Variants in CD300A observed in about 807,000 individuals in gnomAD.
CD300A encodes the protein CMRF35-like molecule 8.
In CD300A, 22 loss-of-function variants were observed where a neutral mutation model predicts 33.6. The ratio of observed to expected loss-of-function variants is 0.66; its 90% CI spans 0.47 to 0.94. The LOEUF (loss-of-function observed/expected upper bound fraction) is 0.94. Ranked by LOEUF, CD300A falls within the 40% of genes least tolerant of loss-of-function variation. CD300A has a pLI of 0.00. For synonymous variants in CD300A, 136 were observed against 148.1 expected, an observed-to-expected ratio of 0.92 and a Z score of 0.59; for missense variants, 326 against 360.5, an observed-to-expected ratio of 0.90 and a Z score of 0.77.
chr17:74,479,849 T>TC (rs1158857643), intron 4 of CD300A, among the ~76,000 whole-genome samples: 8 of 152,034 alleles, frequency 5.3e-5, no homozygotes. Flanking sequence ...CCCCACTCTT[T>TC]CCCCCAGCCC....
chr17:74,479,278 C>T (rs1211703716), intron 4 of CD300A, among the ~76,000 whole-genome samples: 2 of 151,936 alleles, frequency 1.3e-5, no homozygotes, highest in Non-Finnish European at 1.5e-5. Flanking sequence ...ACTCTGTCAC[C>T]CAGGCTGGCG....
At chr17:74,475,181 G>A (rs1219824455) in intron 3 of CD300A, among the ~76,000 whole-genome samples, 1 of 152,178 alleles carries the variant, frequency 6.6e-6, no homozygotes, top group Non-Finnish European at 1.5e-5. Context: ...CAGAGAATGA[G>A]AACCAAGCAA....
At chr17:74,481,940 T>C (rs1167700422) in intron 6 of CD300A, 107 bp downstream of exon 6, 5 of 770,348 alleles carry the variant, frequency 6.5e-6, no homozygotes, top group African/African-American at 5.2e-5. Context: ...GGTGATCTTG[T>C]GCCTGTCAGG....
At chr17:74,468,120 C>T (rs772590089) in intron 1 of CD300A, among the ~76,000 whole-genome samples, 5 of 151,954 alleles carry the variant, frequency 3.3e-5, no homozygotes, top group African/African-American at 4.8e-5. Context: ...CTGCAACCTA[C>T]GCCTCCCAGG....
At chr17:74,476,138 A>C (rs1308992442) in intron 3 of CD300A, among the ~76,000 whole-genome samples, 8 of 152,216 alleles carry the variant, frequency 5.3e-5, no homozygotes, top group Non-Finnish European at 1.2e-4. Flanking sequence ...CTCCACCTCC[A>C]GTCCCTCTTT....
At chr17:74,474,708 C>T in intron 3 of CD300A, 23 bp downstream of exon 3, 1 of 1,612,102 alleles carries the variant, frequency 6.2e-7, no homozygotes, top group Non-Finnish European at 8.5e-7. Context: ...GCCCCTGAGA[C>T]ATGGAGGGGG....
At chr17:74,474,017 G>A (rs1906293584) in intron 2 of CD300A, 143 bp downstream of exon 2, 1 of 887,300 alleles carries the variant, frequency 1.1e-6, no homozygotes, top group East Asian at 2.6e-5. Flanking sequence ...AACACAGTCA[G>A]GGGGTCTCTC....
At chr17:74,476,698 C>T (rs1294884321) in intron 3 of CD300A, among the ~76,000 whole-genome samples, 1 of 152,156 alleles carries the variant, frequency 6.6e-6, no homozygotes, top group Admixed American at 6.5e-5. Context: ...CAACGTTTAC[C>T]ATTGCAAAGG....
chr17:74,467,479 A>G (rs914451447), intron 1 of CD300A, among the ~76,000 whole-genome samples: 1 of 152,072 alleles, frequency 6.6e-6, no homozygotes, highest in Non-Finnish European at 1.5e-5. Context: ...AAGCGCTGAG[A>G]TCTTCTTTAG....
chr17:74,479,359 C>T (rs2144531779), intron 4 of CD300A, among the ~76,000 whole-genome samples: 1 of 152,276 alleles, frequency 6.6e-6, no homozygotes, highest in African/African-American at 2.4e-5. Flanking sequence ...ATCCTCCTGC[C>T]TTAGCCTCCC....
chr17:74,482,203 G>A (rs2144541228), intron 6 of CD300A, among the ~76,000 whole-genome samples: 1 of 152,024 alleles, frequency 6.6e-6, no homozygotes, highest in East Asian at 1.9e-4. Context: ...TCTGTGACCC[G>A]CTGTGGGTCA....
Position 74,481,271 on chromosome 17 carries a change from C to T in CD300A, c.629-18C>T. 2 of 1,613,610 alleles carry T rather than the reference C, an allele frequency of 1.2e-6. No individual in the cohort carries two copies. Among genetic ancestry groups the T allele is most frequent in the Admixed American group, 1.7e-5 (1 of 59,996 alleles). Reference sequence around the variant, plus strand: ...ATTGTTCCGGGATTCAACCTCCTTCCTCTCCTCTTGTCTCTAGCTGGTGAC... The same window carrying T: ...ATTGTTCCGGGATTCAACCTCCTTCTTCTCCTCTTGTCTCTAGCTGGTGAC... On this transcript the variant is annotated intron_variant, in intron 4 of 6. Transcript: ENST00000360141.
Position 74,484,149 on chromosome 17 carries a change from G to A in CD300A, c.*23G>A, listed in dbSNP as rs73352401. 25,902 of 1,611,464 alleles carry A rather than the reference G, an allele frequency of 0.016. 3,306 individuals are homozygous for A. The African/African-American group carries it at 0.29, about 18-fold the overall frequency. ...TAGGCTTTTGTCCTGCCTCGCCATC[G>A]GAGCTCTCATGGGCCCCAGGAAGTC... On this transcript the variant is annotated 3_prime_UTR_variant, in exon 7 of 7. Transcript: ENST00000360141.
intron 1 of CD300A, among the ~76,000 whole-genome samples, chr17:74,473,270 C>T (rs569044810): frequency 7.1e-4 from 108 of 152,174 alleles, no homozygotes; most frequent in Non-Finnish European, 1.4e-3. Context: ...GCTGGGGGTG[C>T]TGATGTGGAG....
chr17:74,471,407 C>T (rs1178251377), intron 1 of CD300A, among the ~76,000 whole-genome samples: 1 of 152,120 alleles, frequency 6.6e-6, no homozygotes, highest in Non-Finnish European at 1.5e-5. Flanking sequence ...AGTTTAATAT[C>T]AGCCATTTCA....
At position 74,473,797 on chromosome 17, in the gene CD300A, A is replaced by G; in HGVS notation, c.302A>G (p.Tyr101Cys). 1 of 1,614,198 alleles carries G rather than the reference A, an allele frequency of 6.2e-7. No homozygotes were observed. ...ENLTEEDAGT[Y>C]WCGVDTPWLR... ...CTCACAGAGGAGGATGCAGGCACCT[A>G]CTGGTGTGGGGTGGATACACCATGG... The change falls in exon 2 of 7, where the codon TAC becomes TGC. Residue 101 changes from tyrosine to cysteine, a missense_variant. Coordinates refer to ENST00000360141, the MANE Select transcript of CD300A (RefSeq NM_007261.4).
chr17:74,480,716 C>T lies in CD300A; in HGVS notation c.629-573C>T, dbSNP rs1028712775. ...GTTGAGAGCTTGTTTTGGTCCCTCT[C>T]CTCCAGCTGGGAGCTTTCTTTCCTT... is the stretch of plus-strand genomic sequence containing the variant. On this transcript the variant is annotated intron_variant, in intron 4 of 6. Transcript: ENST00000360141. This position sits in a 1 kb window ranked among gnomAD's most constrained non-coding sequence, Gnocchi z 4.2. Among the ~76,000 whole-genome samples, 1 of 151,404 alleles carries T rather than the reference C, an allele frequency of 6.6e-6. No homozygotes were observed. The highest frequency in any genetic ancestry group is 2.4e-5 in the African/African-American group (1 of 41,286).
chr17:74,476,467 A>T (rs762057974), intron 3 of CD300A, among the ~76,000 whole-genome samples: 1 of 152,154 alleles, frequency 6.6e-6, no homozygotes, highest in East Asian at 1.9e-4. Context: ...CATAGGTGGC[A>T]GCGCTGAGTT....
Position 74,470,221 on chromosome 17 carries a change from G to A in CD300A, c.41-3315G>A, listed in dbSNP as rs144912906. On this transcript the variant is annotated intron_variant, in intron 1 of 6. Transcript: ENST00000360141. ...CAGAAACACAAGCCTGGGAGCACTG[G>A]GGATCCATGTGATCGTTCCAGGTAA... The A allele has an allele frequency of 8.9e-4, 874 of 985,418 alleles. 8 individuals carry two copies. In the African/African-American group the frequency reaches 0.014, roughly 16 times the overall value. 61.0% of individuals were successfully genotyped at this position (985,418 alleles called of 1,614,324 possible).
Sources: gnomAD v4.1 joint callset for allele counts (sites outside exome capture counted in the v4.1 genomes callset) on GRCh38, gnomAD v4.1.1 for gene constraint, Gnocchi (gnomAD v3.1) non-coding constraint, MANE v1.5 for transcripts, NCBI Gene and HGNC (gene_info 2026-07-23, HGNC 2026-07-21) for gene names.